Variants in SIRPG observed in about 807,000 individuals in gnomAD.
The protein encoded by SIRPG is signal-regulatory protein gamma.
A neutral mutation model predicts 35.7 loss-of-function variants in SIRPG; 38 were observed. The observed-to-expected ratio is 1.06, with a 90% CI of 0.82 to 1.40. The LOEUF is 1.40. Ranked by LOEUF, SIRPG falls within the 40% of genes most tolerant of loss-of-function variation. SIRPG has a pLI of 0.00. For missense variants in SIRPG, 519 were observed against 483.0 expected (o/e 1.07, Z -0.70); for synonymous variants, 215 against 190.4 (o/e 1.13, Z -1.06).
At chr20:1,678,325 A>G in the SIRPG span, among the ~76,000 whole-genome samples, 1 of 152,242 alleles carries the variant, frequency 6.6e-6, no homozygotes, top group East Asian at 1.9e-4. Context: ...GAAACAATAG[A>G]CAAACAACTA....
At chr20:1,653,106 C>T (rs1055798890) in intron 1 of SIRPG, among the ~76,000 whole-genome samples, 1 of 152,200 alleles carries the variant, frequency 6.6e-6, no homozygotes, top group Non-Finnish European at 1.5e-5. Flanking sequence ...ACCACAATCT[C>T]CCTTCACACC....
the SIRPG span, among the ~76,000 whole-genome samples, chr20:1,668,249 T>TTCTTTCTTTCTTTC: frequency 1.1e-5 from 1 of 90,262 alleles, no homozygotes; most frequent in Admixed American, 9.9e-5. Flanking sequence ...CTTTCTTTCT[T>TTCTTTCTTTCTTTC]TTTCTTTTTC....
intron 2 of SIRPG, among the ~76,000 whole-genome samples, chr20:1,638,861 A>G (rs1486832967): frequency 1.4e-5 from 2 of 147,984 alleles, no homozygotes; most frequent in Non-Finnish European, 3.0e-5. Flanking sequence ...ATGAGTGAGA[A>G]CATGTGGTGT....
At position 1,649,104 on chromosome 20, in the gene SIRPG, G is replaced by C. The variant is rs1329941693; in HGVS notation, c.378C>G (p.Ser126Arg). The part of the protein sequence containing the change: ...TYYCVKFRKG[S>R]PENVEFKSGP... ...CAGACTTAAACTCCACGTTCTCAGG[G>C]CTCCCTTTTCGAAACTTCACACAGT... The change falls in exon 2 of 6, where the codon AGC becomes AGG. Residue 126 changes from serine (S) to arginine (R), a missense_variant. Physicochemically the swap from Ser to Arg is moderately radical, Grantham distance 110 (BLOSUM62 -1). Transcript: ENST00000303415. 1.9e-6 allele frequency: 3 copies of C among 1,613,758 alleles called. No individual in the cohort carries two copies. The highest frequency in any genetic ancestry group is 2.5e-6 in the Non-Finnish European group (3 of 1,179,864).
chr20:1,680,979 C>T, the SIRPG span, among the ~76,000 whole-genome samples: 1 of 152,020 alleles, frequency 6.6e-6, no homozygotes, highest in African/African-American at 2.4e-5. Context: ...ACCAGTGCAC[C>T]CAACATTTCT....
chr20:1,636,417 G>A lies in SIRPG; in HGVS notation c.519C>T (p.Phe173=). 6.2e-7 allele frequency: 1 copy of A among 1,614,240 alleles called. No homozygotes were observed. Residue 173 remains phenylalanine, a synonymous_variant, in exon 3 of 6, where the codon TTC becomes TTT. Coordinates refer to ENST00000303415, the MANE Select transcript of SIRPG (RefSeq NM_018556.4). ...ATTTCAGGGTGATGTCTCTGGGAGA[G>A]AAGCCATGGGACTCACAGGTGAAAC... The part of the protein sequence containing the change: ...TVSFTCESHG[F]SPRDITLKWF...
the SIRPG span, among the ~76,000 whole-genome samples, chr20:1,665,595 C>A: frequency 1.3e-5 from 2 of 152,120 alleles, no homozygotes; most frequent in Admixed American, 6.5e-5. Flanking sequence ...TCTCCCGGTG[C>A]CAGGCTCTCC....
Position 1,649,169 on chromosome 20 carries a change from G to T in SIRPG, c.313C>A (p.Arg105Ser), listed in dbSNP as rs777710856. 2 of 1,613,912 alleles carry T rather than the reference G, an allele frequency of 1.2e-6. No homozygotes were observed. Among genetic ancestry groups the T allele is most frequent in the African/African-American group, 2.7e-5 (2 of 74,868 alleles). ...TKRNNMDFSI[R>S]ISSITPADVG... ...TCTGCTGGGGTGATGCTACTGATGC[G>T]GATGGAAAAGTCCATGTTGTTTCTC... Residue 105 changes from arginine (R) to serine (S), a missense_variant, in exon 2 of 6, where the codon CGC becomes AGC. Arg to Ser is a moderately radical substitution (Grantham distance 110). Transcript: ENST00000303415.
chr20:1,638,430 A>C (rs551943622), intron 2 of SIRPG: 2 of 152,336 alleles, frequency 1.3e-5, no homozygotes, highest in African/African-American at 4.8e-5. Context: ...ATAGAGGAGT[A>C]GAAACACCAA....
intron 4 of SIRPG, among the ~76,000 whole-genome samples, chr20:1,632,500 C>T (rs750966639): frequency 8.5e-5 from 13 of 152,142 alleles, no homozygotes; most frequent in South Asian, 2.1e-4. Context: ...TCTGGCAAAC[C>T]GAAAGCACCC....
chr20:1,643,472 A>G (rs1417775257), intron 2 of SIRPG, among the ~76,000 whole-genome samples: 2 of 151,978 alleles, frequency 1.3e-5, no homozygotes. Context: ...AGCTCCTGTA[A>G]CCTTTTATTA....
chr20:1,665,725 A>T, the SIRPG span, among the ~76,000 whole-genome samples: 1 of 152,118 alleles, frequency 6.6e-6, no homozygotes, highest in Admixed American at 6.6e-5. Flanking sequence ...ACTTAGTCTA[A>T]TTTTCCATTT....
At chr20:1,659,027 A>C (rs1179082973), upstream of SIRPG, among the ~76,000 whole-genome samples, 1 of 152,186 alleles carries the variant, frequency 6.6e-6, no homozygotes, top group Non-Finnish European at 1.5e-5. Context: ...TATGTAAATA[A>C]ATGTTAGAAT....
intron 2 of SIRPG, among the ~76,000 whole-genome samples, chr20:1,642,225 C>CT (rs1312215615): frequency 6.6e-6 from 1 of 152,220 alleles, no homozygotes; most frequent in Non-Finnish European, 1.5e-5. Flanking sequence ...GTGTGGGAGT[C>CT]TAAGTCTTTT....
At chr20:1,672,165 T>G in the SIRPG span, among the ~76,000 whole-genome samples, 2 of 152,188 alleles carry the variant, frequency 1.3e-5, no homozygotes, top group African/African-American at 4.8e-5. Context: ...AGGACAGCAT[T>G]TCTGCTTCCC....
At chr20:1,640,101 C>T (rs142173212) in intron 2 of SIRPG, among the ~76,000 whole-genome samples, 6,308 of 152,070 alleles carry the variant, frequency 0.041, 158 homozygotes, top group Middle Eastern at 0.062. Flanking sequence ...CTTGGCTATA[C>T]GGGCTTTTTT....
chr20:1,649,142 C>A lies in SIRPG; in HGVS notation c.340G>T (p.Val114Phe). The A allele has an allele frequency of 6.2e-7, 1 of 1,614,016 alleles. No individual in the cohort carries two copies. The highest frequency in any genetic ancestry group is 8.5e-7 in the Non-Finnish European group (1 of 1,179,960). Residue 114 changes from valine (V) to phenylalanine (F), a missense_variant, in exon 2 of 6, where the codon GTC becomes TTC. Val to Phe is a conservative substitution (Grantham distance 50). Transcript: ENST00000303415. ...IRISSITPAD[V>F]GTYYCVKFRK... The stretch of plus-strand genomic sequence containing the variant: ...AACTTCACACAGTAGTATGTGCCGA[C>A]ATCTGCTGGGGTGATGCTACTGATG...
At chr20:1,631,847 T>G (rs1021563472) in intron 4 of SIRPG, among the ~76,000 whole-genome samples, 2 of 152,204 alleles carry the variant, frequency 1.3e-5, no homozygotes, top group African/African-American at 4.8e-5. Context: ...AGGACTAACT[T>G]GTTCCATGGC....
intron 2 of SIRPG, among the ~76,000 whole-genome samples, chr20:1,645,776 C>A (rs115251349): frequency 0.014 from 2,171 of 152,266 alleles, 74 homozygotes; most frequent in African/African-American, 0.048. Flanking sequence ...GCTCTCCTAA[C>A]CACTGTTCTG....
Sources: allele counts gnomAD v4.1 joint callset (sites outside exome capture counted in the v4.1 genomes callset), GRCh38; gene constraint gnomAD v4.1.1; transcripts MANE v1.5; gene names NCBI Gene and HGNC (gene_info 2026-07-23, HGNC 2026-07-21).